Variants in KCNQ5 observed in about 807,000 individuals in gnomAD.
KCNQ5 encodes the protein potassium voltage-gated channel subfamily Q member 5, also known as potassium voltage-gated channel subfamily KQT member 5.
In KCNQ5, 30 loss-of-function variants were observed where a neutral mutation model predicts 98.2. The ratio of observed to expected loss-of-function variants is 0.31; its 90% CI spans 0.23 to 0.41. The LOEUF is 0.41. Among genes scored for constraint, KCNQ5 ranks in the 10% least tolerant of loss-of-function variants. The probability of loss-of-function intolerance (pLI) is 1.00; values close to 1 mark genes in which losing one functional copy is unlikely to be tolerated. For synonymous variants in KCNQ5, 458 were observed against 449.4 expected (o/e 1.02, Z -0.24); for missense variants, 835 against 1,182.5 (o/e 0.71, Z 4.31).
At chr6:73,182,119 TTC>T (rs1778420874) in intron 11 of KCNQ5, among the ~76,000 whole-genome samples, 1 of 152,246 alleles carries the variant, frequency 6.6e-6, no homozygotes, top group South Asian at 2.1e-4. Context: ...TCAGGGCATT[TTC>T]TCTTAGCTCT....
intron 1 of KCNQ5, among the ~76,000 whole-genome samples, chr6:72,705,258 G>A (rs543559462): frequency 6.6e-6 from 1 of 152,130 alleles, no homozygotes; most frequent in Non-Finnish European, 1.5e-5. Flanking sequence ...TGGATCATTA[G>A]AATTCACTGC....
At chr6:72,675,551 GACAA>G (rs1369989586) in intron 1 of KCNQ5, among the ~76,000 whole-genome samples, 2 of 152,016 alleles carry the variant, frequency 1.3e-5, no homozygotes, top group African/African-American at 4.8e-5. Context: ...CATCTTACCA[GACAA>G]ACAATCTGAG....
At chr6:73,040,629 A>G (rs1383914700) in intron 2 of KCNQ5, among the ~76,000 whole-genome samples, 4 of 152,210 alleles carry the variant, frequency 2.6e-5, no homozygotes, top group Admixed American at 2.6e-4. Flanking sequence ...GGTTTATCCT[A>G]TAAGTAATTT....
intron 1 of KCNQ5, among the ~76,000 whole-genome samples, chr6:72,929,972 G>T (rs974307844): frequency 2.6e-5 from 4 of 152,096 alleles, no homozygotes; most frequent in African/African-American, 9.7e-5. Context: ...CTGTCAGGAA[G>T]CTTAGTGTAA....
chr6:73,178,639 C>T (rs943050893), intron 11 of KCNQ5, among the ~76,000 whole-genome samples: 16 of 151,908 alleles, frequency 1.1e-4, no homozygotes, highest in Non-Finnish European at 2.4e-4. Flanking sequence ...AGCTAATTTA[C>T]ATTTCTCTAT....
chr6:72,882,512 A>G (rs1326240557), intron 1 of KCNQ5, among the ~76,000 whole-genome samples: 1 of 152,190 alleles, frequency 6.6e-6, no homozygotes, highest in African/African-American at 2.4e-5. Flanking sequence ...CCCTAAATGC[A>G]GTGGAATGAG....
chr6:72,908,755 T>C (rs1266281963), intron 1 of KCNQ5, among the ~76,000 whole-genome samples: 1 of 152,170 alleles, frequency 6.6e-6, no homozygotes, highest in Non-Finnish European at 1.5e-5. Flanking sequence ...TTTCGTGCTG[T>C]AGAAGCAAAG....
intron 1 of KCNQ5, among the ~76,000 whole-genome samples, chr6:72,657,689 A>T (rs919739953): frequency 8.5e-5 from 13 of 152,250 alleles, no homozygotes; most frequent in Non-Finnish European, 1.9e-4. Flanking sequence ...GCCTTTGTAG[A>T]TAGAAATCTA....
intron 1 of KCNQ5, among the ~76,000 whole-genome samples, chr6:72,806,654 C>T (rs1774974917): frequency 6.6e-6 from 1 of 152,068 alleles, no homozygotes; most frequent in African/African-American, 2.4e-5. Flanking sequence ...AATTGCAAGA[C>T]TCCAAGATGT....
intron 1 of KCNQ5, among the ~76,000 whole-genome samples, chr6:72,837,195 G>A (rs1776541710): frequency 6.6e-6 from 1 of 152,120 alleles, no homozygotes; most frequent in Non-Finnish European, 1.5e-5. Context: ...AATTTTTGAT[G>A]AAGTAAAATA....
In KCNQ5 at chr6:73,111,324, G is replaced by A; in HGVS notation, c.1046G>A (p.Gly349Asp). The A allele has an allele frequency of 6.2e-7, 1 of 1,610,672 alleles. No individual in the cohort carries two copies. The highest frequency in any genetic ancestry group is 8.5e-7 in the Non-Finnish European group (1 of 1,179,192). Residue 349 changes from glycine to aspartate, a missense_variant, in exon 7 of 14, where the codon GGT becomes GAT. By Grantham distance (94) the Gly-to-Asp change is moderately conservative. Around this residue, in one of 10 missense-constraint regions of KCNQ5, gnomAD observed 30 missense variants for 132.9 expected, o/e 0.23. Coordinates refer to ENST00000370398, the MANE Select transcript of KCNQ5 (RefSeq NM_019842.4). ...FALPAGILGS[G>D]FALKVQEQHR... ...TTGTTCCAGGGCATTCTTGGCTCAG[G>A]TTTTGCATTAAAAGTACAAGAACAA...
chr6:72,888,394 T>A (rs9350475), intron 1 of KCNQ5, among the ~76,000 whole-genome samples: 8 of 151,916 alleles, frequency 5.3e-5, no homozygotes, highest in South Asian at 2.1e-4. Flanking sequence ...ACAGAGGGCC[T>A]GTAATAATGA....
chr6:73,149,791 C>T (rs1315416027), intron 10 of KCNQ5, among the ~76,000 whole-genome samples: 1 of 109,736 alleles, frequency 9.1e-6, no homozygotes, highest in Non-Finnish European at 1.7e-5. Flanking sequence ...TGGGAGACTC[C>T]GAAAAAAAAA....
In KCNQ5 at chr6:72,622,082, G is replaced by A. The variant is rs910640813; in HGVS notation, c.-108G>A. 17 of 981,306 alleles carry A rather than the reference G, an allele frequency of 1.7e-5. No homozygotes were observed. Among genetic ancestry groups the A allele is most frequent in the Non-Finnish European group, 2.1e-5 (16 of 767,216 alleles). 60.8% of individuals were successfully genotyped at this position (981,306 alleles called of 1,614,324 possible). On this transcript the variant is annotated 5_prime_UTR_variant, in exon 1 of 14. Transcript: ENST00000370398. This position sits in a 1 kb window ranked among gnomAD's most constrained non-coding sequence, Gnocchi z 6.0. ...CCGGCTCAGAGGTCTCTGGCTGGCG[G>A]GCGCCCCGTCGGCCGCCGGCTTCCT...
At chr6:72,834,617 T>C (rs1220298776) in intron 1 of KCNQ5, among the ~76,000 whole-genome samples, 1 of 152,172 alleles carries the variant, frequency 6.6e-6, no homozygotes, top group Non-Finnish European at 1.5e-5. Flanking sequence ...ACAATTAAAT[T>C]CTATCCTTTT....
At chr6:73,000,441 T>A (rs943946804) in intron 1 of KCNQ5, among the ~76,000 whole-genome samples, 2 of 152,244 alleles carry the variant, frequency 1.3e-5, no homozygotes, top group African/African-American at 4.8e-5. Context: ...CAGGATAACA[T>A]GTTCCATACA....
At chr6:73,025,280 A>T (rs9442877) in intron 2 of KCNQ5, among the ~76,000 whole-genome samples, 24,825 of 152,176 alleles carry the variant, frequency 0.16, 3,084 homozygotes, top group African/African-American at 0.33. Context: ...CAGCAAGAAG[A>T]AATTGAGCAG....
chr6:72,829,241 C>G (rs1776131332), intron 1 of KCNQ5, among the ~76,000 whole-genome samples: 1 of 152,096 alleles, frequency 6.6e-6, no homozygotes, highest in Non-Finnish European at 1.5e-5. Flanking sequence ...CTAGGTAGTG[C>G]TCATTTCTGT....
At chr6:73,126,880 A>G (rs954237495) in intron 9 of KCNQ5, among the ~76,000 whole-genome samples, 3 of 152,198 alleles carry the variant, frequency 2.0e-5, no homozygotes, top group African/African-American at 7.2e-5. Context: ...AGAGTAATAA[A>G]ATGGCCCTGA....
Sources: gnomAD v4.1 joint callset for allele counts (sites outside exome capture counted in the v4.1 genomes callset) on GRCh38, gnomAD v4.1.1 for gene constraint, gnomAD v4.1.1 regional missense constraint, Gnocchi (gnomAD v3.1) non-coding constraint, MANE v1.5 for transcripts, NCBI Gene and HGNC (gene_info 2026-07-23, HGNC 2026-07-21) for gene names.